WDR70: variants seen among roughly 807,000 people sequenced by gnomAD.
The protein encoded by WDR70 is WD repeat domain 70.
Under a neutral mutation model 88.6 loss-of-function variants are expected in WDR70, and 53 were observed. The observed-to-expected ratio is 0.60, with a 90% CI of 0.48 to 0.75. The LOEUF (loss-of-function observed/expected upper bound fraction) is 0.75. Among genes scored for constraint, WDR70 ranks in the 30% least tolerant of loss-of-function variants. WDR70 has a pLI of 0.00. For synonymous variants in WDR70, 280 were observed against 270.0 expected, an observed-to-expected ratio of 1.04 and a Z score of -0.36; for missense variants, 610 against 823.2, an observed-to-expected ratio of 0.74 and a Z score of 3.17.
At chr5:37,633,764 G>A (rs1373540868) in intron 10 of WDR70, among the ~76,000 whole-genome samples, 3 of 131,736 alleles carry the variant, frequency 2.3e-5, no homozygotes, top group Admixed American at 7.9e-5. Context: ...GATAAATTAA[G>A]AATACTTTGG....
chr5:37,603,370 C>T (rs1359531419), intron 9 of WDR70, among the ~76,000 whole-genome samples: 2 of 152,276 alleles, frequency 1.3e-5, no homozygotes, highest in East Asian at 1.9e-4. Flanking sequence ...CACACAGTCT[C>T]TTCAGTAAAT....
chr5:37,630,632 G>T (rs1367553083), intron 10 of WDR70, among the ~76,000 whole-genome samples: 4 of 152,144 alleles, frequency 2.6e-5, no homozygotes, highest in Non-Finnish European at 4.4e-5. Flanking sequence ...GGCCCCAGGA[G>T]TTGGTTACCT....
intron 13 of WDR70, among the ~76,000 whole-genome samples, chr5:37,704,768 C>G (rs1411886502): frequency 6.6e-6 from 1 of 152,040 alleles, no homozygotes; most frequent in Non-Finnish European, 1.5e-5. Context: ...TATTGTAGAT[C>G]ATGTGTAAAT....
intron 10 of WDR70, among the ~76,000 whole-genome samples, chr5:37,630,311 T>C (rs1049759252): frequency 4.6e-5 from 7 of 152,228 alleles, no homozygotes; most frequent in African/African-American, 1.7e-4. Flanking sequence ...TTCTCAGCCA[T>C]GTATTTAGGC....
At chr5:37,655,265 G>T (rs973961503) in intron 10 of WDR70, among the ~76,000 whole-genome samples, 1 of 152,132 alleles carries the variant, frequency 6.6e-6, no homozygotes, top group Non-Finnish European at 1.5e-5. Context: ...TTGAATATTG[G>T]CCCCTACTTT....
chr5:37,613,635 GT>G (rs1366182437), intron 10 of WDR70, among the ~76,000 whole-genome samples: 1 of 152,154 alleles, frequency 6.6e-6, no homozygotes, highest in Non-Finnish European at 1.5e-5. Flanking sequence ...TTCATGTAGA[GT>G]TGTTTGTCCT....
rs368355257 is a variant in WDR70, at chr5:37,567,742, AC to A, written c.918-37319del. ...GATTTTTTTAACCTTTGAAAGTGAT[AC>A]CCTTTTCAGCCTTGGCAGATCGCAG... On this transcript the variant is annotated intron_variant, in intron 9 of 17. Coordinates refer to ENST00000265107, the MANE Select transcript of WDR70 (RefSeq NM_018034.4). 6.7e-3 allele frequency among the ~76,000 whole-genome samples: 1,017 copies of A among 152,154 alleles called. 15 individuals are homozygous for A. Among genetic ancestry groups the A allele is most frequent in the South Asian group, 0.02 (95 of 4,814 alleles).
intron 8 of WDR70, among the ~76,000 whole-genome samples, chr5:37,489,390 G>A (rs576673634): frequency 6.6e-6 from 1 of 152,254 alleles, no homozygotes; most frequent in South Asian, 2.1e-4. Flanking sequence ...CAACACCTGG[G>A]CTTCCAGGTA....
chr5:37,391,230 A>G (rs1223173850), intron 3 of WDR70, among the ~76,000 whole-genome samples: 36 of 152,092 alleles, frequency 2.4e-4, no homozygotes, highest in Non-Finnish European at 7.4e-5. Flanking sequence ...CAATTCTTTT[A>G]CCACATTGGC....
chr5:37,725,096 G>A, intron 16 of WDR70, 46 bp downstream of exon 16: 2 of 1,542,012 alleles, frequency 1.3e-6, no homozygotes, highest in Non-Finnish European at 8.9e-7. Context: ...TTCAGAGGCA[G>A]GGTGGGGTAA....
At chr5:37,579,427 T>A (rs1743155586) in intron 9 of WDR70, among the ~76,000 whole-genome samples, 1 of 151,708 alleles carries the variant, frequency 6.6e-6, no homozygotes, top group African/African-American at 2.4e-5. Context: ...CTACTAAAAA[T>A]ACAAAAATTA....
At chr5:37,390,584 C>T (rs1748783008) in intron 3 of WDR70, among the ~76,000 whole-genome samples, 1 of 151,952 alleles carries the variant, frequency 6.6e-6, no homozygotes, top group African/African-American at 2.4e-5. Flanking sequence ...TCGTGATCCG[C>T]CTGTCTCGGC....
chr5:37,472,498 A>G (rs1044432904), intron 7 of WDR70, among the ~76,000 whole-genome samples: 2 of 152,040 alleles, frequency 1.3e-5, no homozygotes, highest in Non-Finnish European at 2.9e-5. Flanking sequence ...AAAGTGTACA[A>G]TTGATTGATT....
Position 37,383,148 on chromosome 5 carries a change from A to G in WDR70, c.175+1463A>G, listed in dbSNP as rs1581238071. The stretch of plus-strand genomic sequence containing the variant: ...AAAAATAAAACGTTGTACAGCAGCA[A>G]TATCCAGTATTTGGCAGTGTGCCTG... On this transcript the variant is annotated intron_variant, in intron 3 of 17. Transcript: ENST00000265107. 2.6e-5 allele frequency among the ~76,000 whole-genome samples: 4 copies of G among 152,374 alleles called. No homozygotes were observed. The South Asian group carries it at 8.3e-4, about 32-fold the overall frequency.
chr5:37,744,243 C>T (rs1273211587), intron 17 of WDR70, among the ~76,000 whole-genome samples: 1 of 152,094 alleles, frequency 6.6e-6, no homozygotes, highest in Non-Finnish European at 1.5e-5. Context: ...TCAACAACAA[C>T]AAAAAGGCCC....
chr5:37,505,781 A>C, intron 8 of WDR70: 1 of 1,412,938 alleles, frequency 7.1e-7, no homozygotes. Context: ...CTTCTTGAAG[A>C]TCACACCCAG....
chr5:37,633,899 T>C (rs1581451996), intron 10 of WDR70, among the ~76,000 whole-genome samples: 1 of 152,274 alleles, frequency 6.6e-6, no homozygotes, highest in Non-Finnish European at 1.5e-5. Flanking sequence ...TATGTTCAAG[T>C]TTGATAGTGA....
Position 37,694,821 on chromosome 5 carries a change from T to C in WDR70, c.1093-2834T>C, listed in dbSNP as rs563257720. 7.4e-5 allele frequency among the ~76,000 whole-genome samples: 11 copies of C among 149,236 alleles called. No individual in the cohort carries two copies. The South Asian group carries it at 2.2e-3, about 30-fold the overall frequency. Reference sequence around the variant, plus strand: ...GTATCAAACCTGCATATTGTGCACATGTACCCTATAACTTAAAGTATAATA... The same window carrying C: ...GTATCAAACCTGCATATTGTGCACACGTACCCTATAACTTAAAGTATAATA... On this transcript the variant is annotated intron_variant, in intron 10 of 17. Coordinates refer to ENST00000265107, the MANE Select transcript of WDR70 (RefSeq NM_018034.4).
intron 13 of WDR70, among the ~76,000 whole-genome samples, chr5:37,712,150 A>G (rs6896216): frequency 0.81 from 123,394 of 151,982 alleles, 50,571 homozygotes; most frequent in East Asian, 0.89. Context: ...CTGCCACCGC[A>G]CCTGGCTAAT....
Sources: gnomAD v4.1 joint callset for allele counts (sites outside exome capture counted in the v4.1 genomes callset) on GRCh38, gnomAD v4.1.1 for gene constraint, MANE v1.5 for transcripts, NCBI Gene and HGNC (gene_info 2026-07-23, HGNC 2026-07-21) for gene names.